Variants in DOCK9 observed in about 807,000 individuals in gnomAD.
DOCK9 encodes dedicator of cytokinesis 9.
A neutral mutation model predicts 263.3 loss-of-function variants in DOCK9; 89 were observed. The observed-to-expected ratio is 0.34, with a 90% CI of 0.28 to 0.40. The LOEUF is 0.40. Among genes scored for constraint, DOCK9 ranks in the 10% least tolerant of loss-of-function variants. The pLI is 1.00. For missense variants in DOCK9, 2,140 were observed against 2,603.4 expected (o/e 0.82, Z 3.87); for synonymous variants, 976 against 973.1 (o/e 1.00, Z -0.06).
rs1365219954 is a variant in DOCK9, at chr13:98,888,418, T to C, written c.1919A>G (p.Asn640Ser). 7 of 1,613,860 alleles carry C rather than the reference T, an allele frequency of 4.3e-6. No individual in the cohort carries two copies. The highest frequency in any genetic ancestry group is 4.0e-5 in the African/African-American group (3 of 74,930). ...KHTQPYTIYT[N>S]HLYVYPKYLK... The stretch of plus-strand genomic sequence containing the variant: ...GTACTTAGGATAAACGTAAAGGTGA[T>C]TGGTGTAGATGGTGTAAGGCTGAGT... The change falls in exon 17 of 53, where the codon AAT (asparagine) becomes AGT (serine). Residue 640 changes from asparagine to serine, a missense_variant. Around this residue, in one of 2 missense-constraint regions of DOCK9, gnomAD observed 1,521 missense variants for 1,741.7 expected, o/e 0.87. Transcript: ENST00000682017.
At chr13:99,075,619 C>T (rs1257617850) in intron 1 of DOCK9, among the ~76,000 whole-genome samples, 2 of 151,904 alleles carry the variant, frequency 1.3e-5, no homozygotes, top group Non-Finnish European at 2.9e-5. Flanking sequence ...CCCACCTCAG[C>T]CTCCCAAAGT....
chr13:98,864,630 A>G (rs1256135243), intron 30 of DOCK9, among the ~76,000 whole-genome samples: 2 of 152,212 alleles, frequency 1.3e-5, no homozygotes, highest in African/African-American at 4.8e-5. Context: ...GTCTCTTGGA[A>G]GAAACTACTT....
Position 98,995,878 on chromosome 13 carries a change from G to A in DOCK9, c.130-40327C>T, listed in dbSNP as rs1880921848. Among the ~76,000 whole-genome samples the A allele has an allele frequency of 2.0e-5, 3 of 152,274 alleles. No individual in the cohort carries two copies. The South Asian group carries it at 6.2e-4, about 32-fold the overall frequency. On this transcript the variant is annotated intron_variant, in intron 1 of 32. Coordinates refer to the DOCK9 transcript ENST00000427887. ...ATTGAGGGGTGAGGAAATAGCATGT[G>A]CAAAGGCCCTGAAGCGCAGAATAGT...
intron 1 of DOCK9, among the ~76,000 whole-genome samples, chr13:99,036,461 G>C (rs1486622531): frequency 3.3e-5 from 5 of 152,112 alleles, no homozygotes; most frequent in Non-Finnish European, 7.4e-5. Context: ...AACCATGCTG[G>C]CACCATGATC....
chr13:99,072,912 T>C (rs537920714), intron 1 of DOCK9, among the ~76,000 whole-genome samples: 21 of 152,222 alleles, frequency 1.4e-4, no homozygotes, highest in African/African-American at 4.8e-4. Context: ...GATGGGAGGA[T>C]TGCTTGAGCC....
intron 45 of DOCK9, among the ~76,000 whole-genome samples, chr13:98,814,943 A>ATAACATAACATAAC (rs1566576506): frequency 0.19 from 6,146 of 33,004 alleles, 372 homozygotes; most frequent in Middle Eastern, 0.3. Context: ...CTCAAAATAA[A>ATAACATAACATAAC]ATAAAATAAA....
At chr13:98,969,641 A>G (rs2059541574) in intron 1 of DOCK9, among the ~76,000 whole-genome samples, 1 of 152,242 alleles carries the variant, frequency 6.6e-6, no homozygotes, top group South Asian at 2.1e-4. Flanking sequence ...GATGGGCTAC[A>G]GGAGCACACA....
intron 1 of DOCK9, among the ~76,000 whole-genome samples, chr13:99,004,387 G>A (rs1001591054): frequency 6.6e-6 from 1 of 152,172 alleles, no homozygotes; most frequent in African/African-American, 2.4e-5. Flanking sequence ...GAAATAATAA[G>A]TTACAAGACT....
At chr13:99,018,978 G>C (rs763708991) in intron 1 of DOCK9, among the ~76,000 whole-genome samples, 8 of 152,120 alleles carry the variant, frequency 5.3e-5, no homozygotes, top group Non-Finnish European at 8.8e-5. Context: ...CTCACCCTCA[G>C]ATGTTCCAAA....
chr13:99,028,291 C>A (rs1269001897), intron 1 of DOCK9, among the ~76,000 whole-genome samples: 10 of 152,236 alleles, frequency 6.6e-5, no homozygotes, highest in South Asian at 2.1e-4. Context: ...GATGCTGCCT[C>A]CCAAAGAGTC....
intron 1 of DOCK9, among the ~76,000 whole-genome samples, chr13:99,059,375 G>A (rs752891611): frequency 6.6e-5 from 10 of 152,008 alleles, no homozygotes; most frequent in Non-Finnish European, 1.3e-4. Context: ...TGGATCAGCT[G>A]GGCATACAGG....
intron 1 of DOCK9, among the ~76,000 whole-genome samples, chr13:99,081,941 T>C (rs1375387226): frequency 1.3e-5 from 2 of 152,168 alleles, no homozygotes; most frequent in African/African-American, 4.8e-5. Flanking sequence ...ACTACTTTTA[T>C]AAAAGCAGCT....
Position 98,898,117 on chromosome 13 carries a change from C to T in DOCK9, c.1586+62G>A, listed in dbSNP as rs757375033. 3 of 1,119,892 alleles carry T rather than the reference C, an allele frequency of 2.7e-6. No individual in the cohort carries two copies. The Admixed American group carries it at 6.1e-5, about 23-fold the overall frequency. The allele number at this position is 1,119,892 out of a possible 1,614,324, so 69.4% of individuals were successfully genotyped here. On this transcript the variant is annotated intron_variant, in intron 14 of 52. Coordinates refer to ENST00000682017, the MANE Select transcript of DOCK9 (RefSeq NM_001366683.2). ...GTCTCTGAACAACAAACAGAATAGG[C>T]CTATTGACCCATCCATGCACCTATC...
rs1247504884 is a variant in DOCK9 at position 98,829,849 on chromosome 13, C to T, written c.4636-93G>A. On this transcript the variant is annotated intron_variant, in intron 41 of 52. Transcript: ENST00000682017. This position sits in a 1 kb window ranked among gnomAD's most constrained non-coding sequence, Gnocchi z 4.1. Reference sequence around the variant, plus strand: ...TTCAGTTAGGATGTGCCTAAGGACCCAGCAAAGTGGGGGTTGGGGGGTGCT... The same window carrying T: ...TTCAGTTAGGATGTGCCTAAGGACCTAGCAAAGTGGGGGTTGGGGGGTGCT... 2.7e-6 allele frequency: 3 copies of T among 1,100,108 alleles called. No homozygotes were observed. In the African/African-American group the frequency reaches 4.7e-5, roughly 17 times the overall value. The allele number at this position is 1,100,108 out of a possible 1,614,324, so 68.1% of individuals were successfully genotyped here. A position where few individuals can be genotyped will look rare whatever the true frequency, so the allele number is the denominator to read the frequency against.
intron 1 of DOCK9, among the ~76,000 whole-genome samples, chr13:99,068,038 T>A (rs1329180168): frequency 6.6e-6 from 1 of 151,988 alleles, no homozygotes; most frequent in Non-Finnish European, 1.5e-5. Context: ...CCACAGCCCA[T>A]AATCTTCAAC....
chr13:98,837,372 C>T (rs1419822281), intron 39 of DOCK9, 122 bp downstream of exon 39: 2 of 659,454 alleles, frequency 3.0e-6, no homozygotes, highest in African/African-American at 3.6e-5. Flanking sequence ...GGTTTCCTTA[C>T]AGGGACAAAA....
At chr13:98,936,094 A>C (rs528038081) in intron 2 of DOCK9, among the ~76,000 whole-genome samples, 15 of 152,308 alleles carry the variant, frequency 9.8e-5, no homozygotes, top group African/African-American at 3.6e-4. Context: ...GCCTGCAACA[A>C]GTCAGTTCCC....
chr13:98,923,927 T>A (rs1311861701), intron 4 of DOCK9, among the ~76,000 whole-genome samples: 1 of 152,202 alleles, frequency 6.6e-6, no homozygotes, highest in Non-Finnish European at 1.5e-5. Context: ...GGCAGAGTCG[T>A]CTGAGGCAGA....
At chr13:99,015,849 T>C (rs1885324626) in intron 1 of DOCK9, 1 of 1,106,344 alleles carries the variant, frequency 9.0e-7, no homozygotes, top group Non-Finnish European at 1.1e-6. Context: ...ATGACACACC[T>C]CGGATGCACC....
Sources: gnomAD v4.1 joint callset for allele counts (sites outside exome capture counted in the v4.1 genomes callset) on GRCh38, gnomAD v4.1.1 for gene constraint, gnomAD v4.1.1 regional missense constraint, Gnocchi (gnomAD v3.1) non-coding constraint, MANE v1.5 for transcripts, NCBI Gene and HGNC (gene_info 2026-07-23, HGNC 2026-07-21) for gene names.